Variants in KRT83 observed in about 807,000 individuals in gnomAD.
The protein encoded by KRT83 is keratin 83.
In KRT83, 51 loss-of-function variants were observed where a neutral mutation model predicts 52.9. The observed-to-expected ratio is 0.96, with a 90% CI of 0.77 to 1.22. The LOEUF (loss-of-function observed/expected upper bound fraction) is 1.22. Among genes scored for constraint, KRT83 ranks in the 50% most tolerant of loss-of-function variants. The pLI, the probability that KRT83 is intolerant of heterozygous loss-of-function variation, is 0.00. For synonymous variants in KRT83, 278 were observed against 274.1 expected, an observed-to-expected ratio of 1.01 and a Z score of -0.14; for missense variants, 654 against 666.5, an observed-to-expected ratio of 0.98 and a Z score of 0.21.
In KRT83 at chr12:52,314,503, A is replaced by G. The variant is rs374145143; in HGVS notation, c.*128T>C. The G allele has an allele frequency of 1.1e-6, 1 of 883,580 alleles. No homozygotes were observed. Among genetic ancestry groups the G allele is most frequent in the East Asian group, 2.7e-5 (1 of 37,716 alleles). 54.7% of individuals were successfully genotyped at this position (883,580 alleles called of 1,614,324 possible). On this transcript the variant is annotated 3_prime_UTR_variant, in exon 9 of 9. Coordinates refer to ENST00000293670, the MANE Select transcript of KRT83 (RefSeq NM_002282.3). ...AGGTGGGGAGGAGCCGCTGGTGGGA[A>G]TGAGCCGATGGTGTATTCTCAGAAC...
At position 52,316,449 on chromosome 12, in the gene KRT83, G is replaced by A. The variant is rs769287971; in HGVS notation, c.1041+19C>T. 3 of 1,613,990 alleles carry A rather than the reference G, an allele frequency of 1.9e-6. No homozygotes were observed. The highest frequency in any genetic ancestry group is 2.5e-6 in the Non-Finnish European group (3 of 1,179,924). The stretch of plus-strand genomic sequence containing the variant: ...CCCCAGTCTCTTCCTACACTGAGGG[G>A]TGGGCCGGGCTCTGGTACCTGGCAC... On this transcript the variant is annotated intron_variant, in intron 6 of 8. Coordinates refer to ENST00000293670, the MANE Select transcript of KRT83 (RefSeq NM_002282.3).
In KRT83 at chr12:52,316,701, C is replaced by T. The variant is rs192082685; in HGVS notation, c.916-108G>A. Reference sequence around the variant, plus strand: ...GCAGTGCTCGGCCTGTGCAACCACACGTGGCAGTCCTGCCCTGCCACCCCA... The same window carrying T: ...GCAGTGCTCGGCCTGTGCAACCACATGTGGCAGTCCTGCCCTGCCACCCCA... On this transcript the variant is annotated intron_variant, in intron 5 of 8. Coordinates refer to ENST00000293670, the MANE Select transcript of KRT83 (RefSeq NM_002282.3). 80 of 1,593,750 alleles carry T rather than the reference C, an allele frequency of 5.0e-5. 1 individual carries two copies. The East Asian group carries it at 1.0e-3, about 21-fold the overall frequency.
chr12:52,316,424 C>T lies in KRT83; in HGVS notation c.1041+44G>A, dbSNP rs777933385. ...CTCAAATCCCTCTGCCGAGGGCTAA[C>T]CCCAGTCTCTTCCTACACTGAGGGG... On this transcript the variant is annotated intron_variant, in intron 6 of 8. Transcript: ENST00000293670. 3.7e-6 allele frequency: 6 copies of T among 1,613,728 alleles called. No individual in the cohort carries two copies. The East Asian group carries it at 1.1e-4, about 30-fold the overall frequency.
In KRT83 at chr12:52,321,217, A is replaced by T. The variant is rs762816475; in HGVS notation, c.119T>A (p.Ile40Asn). ...CCITAAPYRGISCYRGLTGGF... is the reference protein window; with the variant it reads ...CCITAAPYRGNSCYRGLTGGF... ...CCCGGTGAGGCCGCGGTAGCAGGAG[A>T]TGCCGCGGTAGGGGGCGGCGGTGAT... Residue 40 changes from isoleucine (I) to asparagine (N), a missense_variant, in exon 1 of 9, where the codon ATC (isoleucine) becomes AAC (asparagine). Coordinates refer to ENST00000293670, the MANE Select transcript of KRT83 (RefSeq NM_002282.3). The T allele has an allele frequency of 2.4e-4, 392 of 1,613,322 alleles. 5 individuals are homozygous for T. In the South Asian group the frequency reaches 4.2e-3, roughly 17 times the overall value.
chr12:52,314,479 G>T lies in KRT83; in HGVS notation c.*152C>A, dbSNP rs1000243240. The T allele has an allele frequency of 9.4e-6, 7 of 746,362 alleles. No individual in the cohort carries two copies. The highest frequency in any genetic ancestry group is 1.4e-5 in the Non-Finnish European group (6 of 427,440). 46.2% of individuals were successfully genotyped at this position (746,362 alleles called of 1,614,324 possible). A position where few individuals can be genotyped will look rare whatever the true frequency, so the allele number is the denominator to read the frequency against. ...CAGGCCCCTTTCCAGTGGGATGAAAGGTGGGGAGGAGCCGCTGGTGGGAAT... is the reference window on the plus strand; with the variant it reads ...CAGGCCCCTTTCCAGTGGGATGAAATGTGGGGAGGAGCCGCTGGTGGGAAT... On this transcript the variant is annotated 3_prime_UTR_variant, in exon 9 of 9. Coordinates refer to ENST00000293670, the MANE Select transcript of KRT83 (RefSeq NM_002282.3).
At position 52,316,222 on chromosome 12, in the gene KRT83, C is replaced by T. The variant is rs1938684006; in HGVS notation, c.1042-109G>A. On this transcript the variant is annotated intron_variant, in intron 6 of 8. Coordinates refer to ENST00000293670, the MANE Select transcript of KRT83 (RefSeq NM_002282.3). ...CTTCTATCTTAAAATATTATCTCTC[C>T]AATCAGCTTCCTAACCTTCCTTCCC... is the stretch of plus-strand genomic sequence containing the variant. 16 of 1,440,718 alleles carry T rather than the reference C, an allele frequency of 1.1e-5. No homozygotes were observed. The South Asian group carries it at 1.7e-4, about 16-fold the overall frequency. The allele number at this position is 1,440,718 out of a possible 1,614,324, so 89.2% of individuals were successfully genotyped here.
chr12:52,315,824 T>C lies in KRT83; in HGVS notation c.1262+69A>G. ...AAGAATGTCACCTGGGGACTGAGAC[T>C]GAGATAGGGAAAAATCAAAGGTGGG... On this transcript the variant is annotated intron_variant, in intron 7 of 8. Transcript: ENST00000293670. 3.1e-6 allele frequency: 5 copies of C among 1,604,888 alleles called. No homozygotes were observed. The South Asian group carries it at 5.5e-5, about 18-fold the overall frequency.
Position 52,321,123 on chromosome 12 carries a change from G to T in KRT83, c.213C>A (p.Arg71=). 1 of 1,612,402 alleles carries T rather than the reference G, an allele frequency of 6.2e-7. No individual in the cohort carries two copies. The highest frequency in any genetic ancestry group is 1.3e-5 in the African/African-American group (1 of 75,014). ...AGSCGRSFGY[R]SGGVCGPSPP... ...GGCTGGGTCCGCACACGCCCCCGGA[G>T]CGGTAGCCGAAGCTGCGTCCGCAGG... The change falls in exon 1 of 9, where the codon CGC becomes CGA. Residue 71 remains arginine, a synonymous_variant. Coordinates refer to ENST00000293670, the MANE Select transcript of KRT83 (RefSeq NM_002282.3).
chr12:52,321,238 G>T lies in KRT83; in HGVS notation c.98C>A (p.Thr33Asn), dbSNP rs1183691609. Reference protein sequence around the residue: ...CGPRPSRCCITAAPYRGISCY... With the variant: ...CGPRPSRCCINAAPYRGISCY... Reference sequence around the variant, plus strand: ...GGAGATGCCGCGGTAGGGGGCGGCGGTGATGCAGCAGCGGCTTGGCCGGGG... The same window carrying T: ...GGAGATGCCGCGGTAGGGGGCGGCGTTGATGCAGCAGCGGCTTGGCCGGGG... The change falls in exon 1 of 9, where the codon ACC (threonine) becomes AAC (asparagine). Residue 33 changes from threonine (T) to asparagine (N), a missense_variant. Physicochemically the swap from Thr to Asn is moderately conservative, Grantham distance 65. Coordinates refer to ENST00000293670, the MANE Select transcript of KRT83 (RefSeq NM_002282.3). The T allele has an allele frequency of 1.2e-6, 2 of 1,613,498 alleles. No homozygotes were observed. The highest frequency in any genetic ancestry group is 1.7e-5 in the Admixed American group (1 of 60,016).
chr12:52,317,755 G>T lies in KRT83; in HGVS notation c.676C>A (p.Arg226Ser). Residue 226 changes from arginine to serine, a missense_variant, in exon 4 of 9, where the codon CGC (arginine) becomes AGC (serine). Transcript: ENST00000293670. ...ACGTTGGCCTCCAGGTCTGACTTGC[G>T]GAGGTAGGCGCAGTCCACATCCTGG... ...LKKDVDCAYL[R>S]KSDLEANVEA... The T allele has an allele frequency of 6.2e-7, 1 of 1,613,822 alleles. No individual in the cohort carries two copies. Among genetic ancestry groups the T allele is most frequent in the Non-Finnish European group, 8.5e-7 (1 of 1,179,978 alleles).
In KRT83 at chr12:52,317,925, A is replaced by T; in HGVS notation, c.639T>A (p.Phe213Leu). 1.2e-6 allele frequency: 2 copies of T among 1,614,156 alleles called. No individual in the cohort carries two copies. Among genetic ancestry groups the T allele is most frequent in the Non-Finnish European group, 1.7e-6 (2 of 1,180,032 alleles). ...VALRATAENE[F>L]VALKKDVDCA... ...CTTCACTCACCTTCTTTAGAGCCACAAACTCGTTCTCTGCTGTGGCTCGAA... is the reference window on the plus strand; with the variant it reads ...CTTCACTCACCTTCTTTAGAGCCACTAACTCGTTCTCTGCTGTGGCTCGAA... The change falls in exon 3 of 9, where the codon TTT becomes TTA. Residue 213 changes from phenylalanine (F) to leucine (L), a missense_variant. Phe to Leu is a conservative substitution (Grantham distance 22). Coordinates refer to ENST00000293670, the MANE Select transcript of KRT83 (RefSeq NM_002282.3).
rs1938765882 is a variant in KRT83, at chr12:52,321,237, G to A, written c.99C>T (p.Thr33=). 6.2e-7 allele frequency: 1 copy of A among 1,613,604 alleles called. No homozygotes were observed. The highest frequency in any genetic ancestry group is 8.5e-7 in the Non-Finnish European group (1 of 1,179,938). ...CGPRPSRCCI[T]AAPYRGISCY... Reference sequence around the variant, plus strand: ...AGGAGATGCCGCGGTAGGGGGCGGCGGTGATGCAGCAGCGGCTTGGCCGGG... The same window carrying A: ...AGGAGATGCCGCGGTAGGGGGCGGCAGTGATGCAGCAGCGGCTTGGCCGGG... Residue 33 remains threonine (T), a synonymous_variant, in exon 1 of 9, where the codon ACC becomes ACT. Transcript: ENST00000293670.
intron 1 of KRT83, 77 bp from the exon 2 acceptor site, chr12:52,319,441 C>A: frequency 1.3e-6 from 2 of 1,587,428 alleles, no homozygotes; most frequent in Non-Finnish European, 1.7e-6. Flanking sequence ...GCACGAGGGC[C>A]TGAAAGCCCC....
Position 52,316,556 on chromosome 12 carries a change from T to C in KRT83, c.953A>G (p.Glu318Gly). Residue 318 changes from glutamate to glycine, a missense_variant, in exon 6 of 9, where the codon GAG becomes GGG. Coordinates refer to ENST00000293670, the MANE Select transcript of KRT83 (RefSeq NM_002282.3). ...CTCCTCCTTGGTGCGGCGCAGGGTC[T>C]CCCCGTGCCTGATCACTGTGGCCTT... ...EMKATVIRHGETLRRTKEEIN... is the reference protein window; with the variant it reads ...EMKATVIRHGGTLRRTKEEIN... The C allele has an allele frequency of 1.2e-6, 2 of 1,614,120 alleles. No individual in the cohort carries two copies. The highest frequency in any genetic ancestry group is 2.7e-5 in the African/African-American group (2 of 75,036).
chr12:52,319,451 C>A, intron 1 of KRT83, 87 bp from the exon 2 acceptor site: 1 of 1,567,666 alleles, frequency 6.4e-7, no homozygotes, highest in South Asian at 1.1e-5. Context: ...CTGAAAGCCC[C>A]CAACTCTCTG....
intron 6 of KRT83, 45 bp from the exon 7 acceptor site, chr12:52,316,158 T>A: frequency 6.2e-7 from 1 of 1,607,380 alleles, no homozygotes; most frequent in Non-Finnish European, 8.5e-7. Context: ...GAAGTTTAGT[T>A]TCTTGAAATC....
Position 52,319,272 on chromosome 12 carries a change from C to G in KRT83, c.477G>C (p.Leu159=). Residue 159 remains leucine, a synonymous_variant, in exon 2 of 9, where the codon CTG becomes CTC. Coordinates refer to ENST00000293670, the MANE Select transcript of KRT83 (RefSeq NM_002282.3). ...RECCQSNLEP[L]FAGYIETLRR... ...GCAGAGTCTCGATGTAGCCAGCAAA[C>G]AGGGGCTCCAGGTTACTCTGGCAGC... is the stretch of plus-strand genomic sequence containing the variant. 6.2e-7 allele frequency: 1 copy of G among 1,614,040 alleles called. No individual in the cohort carries two copies. The highest frequency in any genetic ancestry group is 1.3e-5 in the African/African-American group (1 of 75,044).
intron 7 of KRT83, among the ~76,000 whole-genome samples, chr12:52,315,683 T>C (rs1399638385): frequency 6.6e-6 from 1 of 152,102 alleles, no homozygotes; most frequent in Non-Finnish European, 1.5e-5. Flanking sequence ...GGGGTGGAGT[T>C]TGGCCAGCAA....
intron 1 of KRT83, among the ~76,000 whole-genome samples, chr12:52,320,020 CTTT>C (rs1938746025): frequency 6.6e-6 from 1 of 152,168 alleles, no homozygotes; most frequent in African/African-American, 2.4e-5. Flanking sequence ...TCTTCTCTCC[CTTT>C]GACAATTATA....
Sources: allele counts gnomAD v4.1 joint callset (sites outside exome capture counted in the v4.1 genomes callset), GRCh38; gene constraint gnomAD v4.1.1; transcripts MANE v1.5; gene names NCBI Gene and HGNC (gene_info 2026-07-23, HGNC 2026-07-21).